Variants in BLMH observed in about 807,000 individuals in gnomAD.
BLMH encodes BLM hydrolase.
BLMH carries 32 observed loss-of-function variants against 61.6 expected under a neutral mutation model. That is an observed-to-expected ratio of 0.52 (90% CI 0.39 to 0.70). The LOEUF (loss-of-function observed/expected upper bound fraction) is 0.70, where lower values mean the gene tolerates loss of function less well. Among genes scored for constraint, BLMH ranks in the 30% least tolerant of loss-of-function variants. The probability of loss-of-function intolerance (pLI) is 0.00; values close to 1 mark genes in which losing one functional copy is unlikely to be tolerated. For missense variants in BLMH, 460 were observed against 555.5 expected, an observed-to-expected ratio of 0.83 and a Z score of 1.73; for synonymous variants, 183 against 193.8, an observed-to-expected ratio of 0.94 and a Z score of 0.46.
At chr17:30,269,062 C>T (rs553755109) in intron 10 of BLMH, among the ~76,000 whole-genome samples, 1 of 149,488 alleles carries the variant, frequency 6.7e-6, no homozygotes, top group Non-Finnish European at 1.5e-5. Flanking sequence ...AAAACAACAA[C>T]AAAAAAACAC....
At chr17:30,271,493 C>G in intron 9 of BLMH, 105 bp from the exon 10 acceptor site, 3 of 784,498 alleles carry the variant, frequency 3.8e-6, no homozygotes, top group Non-Finnish European at 6.5e-6. Flanking sequence ...CTCAACAGCT[C>G]CAAATAAATA....
chr17:30,263,496 A>T (rs1908018329), intron 11 of BLMH, among the ~76,000 whole-genome samples: 1 of 152,218 alleles, frequency 6.6e-6, no homozygotes, highest in African/African-American at 2.4e-5. Flanking sequence ...GAAGCAGGGG[A>T]GAAAAGAAAC....
intron 10 of BLMH, among the ~76,000 whole-genome samples, chr17:30,270,893 A>G (rs1050346611): frequency 1.3e-5 from 2 of 152,218 alleles, no homozygotes; most frequent in African/African-American, 4.8e-5. Context: ...CTGAATGACA[A>G]ATGAAGGGAA....
chr17:30,285,633 C>T (rs1908706385), intron 5 of BLMH, 153 bp from the exon 6 acceptor site: 1 of 491,270 alleles, frequency 2.0e-6, no homozygotes, highest in Non-Finnish European at 3.5e-6. Flanking sequence ...TCAACTTGTC[C>T]ACTTAAACAC....
chr17:30,264,396 T>C (rs1333517908), intron 11 of BLMH, among the ~76,000 whole-genome samples: 1 of 152,122 alleles, frequency 6.6e-6, no homozygotes, highest in Non-Finnish European at 1.5e-5. Flanking sequence ...AGCATAATAA[T>C]GAAATGAGTA....
intron 11 of BLMH, chr17:30,250,210 CA>C (rs1429080813): frequency 1.3e-5 from 2 of 152,110 alleles, no homozygotes; most frequent in Non-Finnish European, 2.9e-5. Context: ...AAAGCAAATG[CA>C]ACAAAAACAT....
chr17:30,278,467 C>T lies in BLMH; in HGVS notation c.646-4270G>A, dbSNP rs544822356. Among the ~76,000 whole-genome samples the T allele has an allele frequency of 9.2e-5, 14 of 152,268 alleles. No homozygotes were observed. In the South Asian group the frequency reaches 2.9e-3, roughly 32 times the overall value. On this transcript the variant is annotated intron_variant, in intron 6 of 11. Coordinates refer to ENST00000261714, the MANE Select transcript of BLMH (RefSeq NM_000386.4). ...AAATTGCTCACTTCCCATCCCAGTA[C>T]TTCACATCTTTTTTCCTTTACTTTT...
intron 10 of BLMH, among the ~76,000 whole-genome samples, chr17:30,268,912 C>T (rs1253599844): frequency 6.7e-6 from 1 of 149,420 alleles, no homozygotes; most frequent in Non-Finnish European, 1.5e-5. Context: ...TTAGCCAGGC[C>T]GATGGTGCAC....
intron 11 of BLMH, among the ~76,000 whole-genome samples, chr17:30,251,495 C>T (rs907270273): frequency 1.3e-5 from 2 of 152,230 alleles, no homozygotes; most frequent in East Asian, 3.8e-4. Context: ...ATCAGCACCA[C>T]GACTGTCATC....
chr17:30,283,363 C>CA, intron 6 of BLMH, among the ~76,000 whole-genome samples: 1 of 152,168 alleles, frequency 6.6e-6, no homozygotes, highest in East Asian at 1.9e-4. Context: ...CACGCTCTAC[C>CA]AATGATGAGG....
At chr17:30,281,277 G>C (rs1011396795) in intron 6 of BLMH, among the ~76,000 whole-genome samples, 9 of 151,934 alleles carry the variant, frequency 5.9e-5, no homozygotes, top group Non-Finnish European at 5.9e-5. Context: ...TAATGATCTT[G>C]AGATTACTTC....
intron 6 of BLMH, among the ~76,000 whole-genome samples, chr17:30,283,164 AG>A (rs1442399287): frequency 2.0e-5 from 3 of 152,174 alleles, no homozygotes; most frequent in Non-Finnish European, 4.4e-5. Context: ...TCTGTCTCTA[AG>A]GGGGAAAAAA....
intron 6 of BLMH, among the ~76,000 whole-genome samples, chr17:30,275,346 T>C (rs868232071): frequency 1.3e-5 from 2 of 152,188 alleles, no homozygotes; most frequent in African/African-American, 4.8e-5. Flanking sequence ...ATATACTTTA[T>C]ATTATTTTCA....
intron 7 of BLMH, chr17:30,273,777 A>G: frequency 2.0e-6 from 1 of 500,862 alleles, no homozygotes; most frequent in Non-Finnish European, 3.5e-6. Context: ...TTCTGGTCCT[A>G]TACAGGGGCG....
At chr17:30,269,004 C>T (rs1908189829) in intron 10 of BLMH, among the ~76,000 whole-genome samples, 1 of 150,448 alleles carries the variant, frequency 6.6e-6, no homozygotes, top group African/African-American at 2.4e-5. Flanking sequence ...TGTGCCACTG[C>T]ACTCCAGCCT....
Position 30,289,396 on chromosome 17 carries a change from A to T in BLMH, c.298T>A (p.Ser100Thr). 6 of 1,609,730 alleles carry T rather than the reference A, an allele frequency of 3.7e-6. No individual in the cohort carries two copies. Among genetic ancestry groups the T allele is most frequent in the Non-Finnish European group, 5.1e-6 (6 of 1,176,608 alleles). The change falls in exon 3 of 12, where the codon TCT becomes ACT. Residue 100 changes from serine (S) to threonine (T), a missense_variant. Ser to Thr is a moderately conservative substitution (Grantham distance 58, BLOSUM62 1). This residue lies in a region of BLMH where 43 missense variants were observed against 38.8 expected (regional missense o/e 1.11). Transcript: ENST00000261714. ...LNIEEFEFSQ[S>T]YLFFWDKVER... is the part of the protein sequence containing the mutation. ...ACCTTGTCCCAAAAAAACAGGTAAG[A>T]TTGGCTAAACTCAAATTCTTCAATA...
Position 30,289,420 on chromosome 17 carries a change from T to C in BLMH, c.274A>G (p.Ile92Val). ...GATTGGCTAAACTCAAATTCTTCAATATTTAACTTTTTCATGAATGGAAGC... is the reference window on the plus strand; with the variant it reads ...GATTGGCTAAACTCAAATTCTTCAACATTTAACTTTTTCATGAATGGAAGC... ...MRLPFMKKLN[I>V]EEFEFSQSYL... Residue 92 changes from isoleucine (I) to valine (V), a missense_variant, in exon 3 of 12, where the codon ATT becomes GTT. This residue lies in a region of BLMH where 43 missense variants were observed against 38.8 expected (regional missense o/e 1.11). Transcript: ENST00000261714. 2 of 1,612,408 alleles carry C rather than the reference T, an allele frequency of 1.2e-6. No homozygotes were observed.
rs1319300365 is a variant in BLMH, at chr17:30,289,375, T to C, written c.319A>G (p.Lys107Glu). Residue 107 changes from lysine to glutamate, a missense_variant and splice_region_variant, in exon 3 of 12, where the codon AAG becomes GAG. Physicochemically the swap from Lys to Glu is moderately conservative, Grantham distance 56 (BLOSUM62 1). This residue lies in a region of BLMH where 43 missense variants were observed against 38.8 expected (regional missense o/e 1.11). Transcript: ENST00000261714. The stretch of plus-strand genomic sequence containing the variant: ...ATCTTGCCAGATCTGTCCCATACCT[T>C]GTCCCAAAAAAACAGGTAAGATTGG... ...FSQSYLFFWD[K>E]VERCYFFLSA... is the part of the protein sequence containing the mutation. The C allele has an allele frequency of 6.3e-7, 1 of 1,588,738 alleles. No individual in the cohort carries two copies. Among genetic ancestry groups the C allele is most frequent in the Non-Finnish European group, 8.6e-7 (1 of 1,158,600 alleles).
At chr17:30,289,778 A>G (rs1160816947) in intron 2 of BLMH, among the ~76,000 whole-genome samples, 1 of 152,220 alleles carries the variant, frequency 6.6e-6, no homozygotes, top group Non-Finnish European at 1.5e-5. Flanking sequence ...ATTAACTGAG[A>G]GCGCCATTAG....
Sources: allele counts gnomAD v4.1 joint callset (sites outside exome capture counted in the v4.1 genomes callset), GRCh38; gene constraint gnomAD v4.1.1; regional missense constraint gnomAD v4.1.1; transcripts MANE v1.5; gene names NCBI Gene and HGNC (gene_info 2026-07-23, HGNC 2026-07-21).